BAZ2B: variants seen among roughly 807,000 people sequenced by gnomAD.
The protein encoded by BAZ2B is bromodomain adjacent to zinc finger domain 2B, also known as bromodomain adjacent to zinc finger domain protein 2B.
Under a neutral mutation model 246.0 loss-of-function variants are expected in BAZ2B, and 91 were observed. The observed-to-expected ratio is 0.37, with a 90% CI of 0.31 to 0.44. The LOEUF is 0.44. Among genes scored for constraint, BAZ2B ranks in the 20% least tolerant of loss-of-function variants. The probability of loss-of-function intolerance (pLI) is 1.00; values close to 1 mark genes in which losing one functional copy is unlikely to be tolerated. For synonymous variants in BAZ2B, 855 were observed against 860.0 expected (o/e 0.99, Z 0.10); for missense variants, 2,332 against 2,533.7 (o/e 0.92, Z 1.71).
chr2:159,424,548 AT>A (rs2069412539), intron 13 of BAZ2B, among the ~76,000 whole-genome samples: 2 of 152,170 alleles, frequency 1.3e-5, no homozygotes, highest in African/African-American at 4.8e-5. Context: ...GTTAAGTAAA[AT>A]TAGAACATAT....
chr2:159,581,189 A>T (rs1025803179), intron 1 of BAZ2B, among the ~76,000 whole-genome samples: 1 of 152,226 alleles, frequency 6.6e-6, no homozygotes, highest in Non-Finnish European at 1.5e-5. Context: ...GCTAATATCC[A>T]GAATCTACAA....
At chr2:159,580,520 C>T (rs1686491778) in intron 1 of BAZ2B, among the ~76,000 whole-genome samples, 1 of 152,174 alleles carries the variant, frequency 6.6e-6, no homozygotes, top group African/African-American at 2.4e-5. Flanking sequence ...AATACCATCC[C>T]CATCAAGCTA....
rs140698971 is a variant in BAZ2B at position 159,451,953 on chromosome 2, C to CT, written c.334+1659dup. Among the ~76,000 whole-genome samples the CT allele has an allele frequency of 2.1e-3, 320 of 152,164 alleles. 3 individuals are homozygous for CT. The highest frequency in any genetic ancestry group is 7.2e-3 in the African/African-American group (297 of 41,520). On this transcript the variant is annotated intron_variant, in intron 4 of 36. Coordinates refer to ENST00000392783, the MANE Select transcript of BAZ2B (RefSeq NM_013450.4). ...ATAAAAATATTTAAGATATCACTATCTATATTGTTTTTATCTATTTTGATA... is the reference window on the plus strand; with the variant it reads ...ATAAAAATATTTAAGATATCACTATCTTATATTGTTTTTATCTATTTTGATA...
intron 25 of BAZ2B, among the ~76,000 whole-genome samples, chr2:159,381,364 C>A (rs1275077733): frequency 6.6e-6 from 1 of 152,012 alleles, no homozygotes; most frequent in African/African-American, 2.4e-5. Flanking sequence ...CTCCCCCTGC[C>A]CCCAATTATC....
chr2:159,625,742 A>G, the BAZ2B span, among the ~76,000 whole-genome samples: 1 of 152,340 alleles, frequency 6.6e-6, no homozygotes, highest in South Asian at 2.1e-4. Flanking sequence ...TGGAAAGGTC[A>G]TTGACACTAT....
At chr2:159,572,216 T>C (rs1032462215) in intron 1 of BAZ2B, among the ~76,000 whole-genome samples, 1 of 152,202 alleles carries the variant, frequency 6.6e-6, no homozygotes, top group Non-Finnish European at 1.5e-5. Flanking sequence ...TGGATGCTCA[T>C]TTGTTATCTG....
At chr2:159,536,898 A>G (rs928130450) in intron 2 of BAZ2B, among the ~76,000 whole-genome samples, 83 of 152,242 alleles carry the variant, frequency 5.5e-4, no homozygotes, top group African/African-American at 1.9e-3. Flanking sequence ...GCAATCTTTA[A>G]TATTTACATG....
At chr2:159,483,603 CCTGTCT>C (rs1217650117) in intron 2 of BAZ2B, among the ~76,000 whole-genome samples, 3 of 152,018 alleles carry the variant, frequency 2.0e-5, no homozygotes, top group Non-Finnish European at 2.9e-5. Context: ...ATGGTGAAAC[CCTGTCT>C]CTACTAAAAA....
At chr2:159,676,577 G>T in the BAZ2B span, among the ~76,000 whole-genome samples, 3 of 151,270 alleles carry the variant, frequency 2.0e-5, no homozygotes, top group African/African-American at 4.9e-5. Flanking sequence ...CTACTTGGGA[G>T]GCTGAGGTGA....
At chr2:159,374,811 G>C (rs929128540) in intron 25 of BAZ2B, 58 bp from the exon 26 acceptor site, 1 of 1,486,598 alleles carries the variant, frequency 6.7e-7, no homozygotes, top group Non-Finnish European at 9.3e-7. Flanking sequence ...TATTCAATCA[G>C]TAAATATTTA....
chr2:159,650,536 C>A, the BAZ2B span, among the ~76,000 whole-genome samples: 1 of 152,172 alleles, frequency 6.6e-6, no homozygotes, highest in Admixed American at 6.5e-5. Flanking sequence ...CCTGTGAGAA[C>A]TGCGTACAGT....
the BAZ2B span, among the ~76,000 whole-genome samples, chr2:159,684,214 G>A: frequency 6.6e-6 from 1 of 152,174 alleles, no homozygotes; most frequent in Non-Finnish European, 1.5e-5. Flanking sequence ...CCATTCAAAA[G>A]CTGACGAATA....
intron 1 of BAZ2B, among the ~76,000 whole-genome samples, chr2:159,592,801 A>G (rs1032130632): frequency 1.6e-4 from 25 of 152,222 alleles, no homozygotes; most frequent in Non-Finnish European, 3.4e-4. Flanking sequence ...AGAGATCTTA[A>G]GCCAAAACCA....
At chr2:159,646,390 C>T in the BAZ2B span, among the ~76,000 whole-genome samples, 2 of 152,112 alleles carry the variant, frequency 1.3e-5, no homozygotes, top group Non-Finnish European at 2.9e-5. Context: ...TGTTCAAACA[C>T]ACATGCTCTA....
At chr2:159,702,949 CAGG>C in the BAZ2B span, among the ~76,000 whole-genome samples, 5 of 152,002 alleles carry the variant, frequency 3.3e-5, no homozygotes, top group African/African-American at 1.2e-4. Flanking sequence ...GAGGCTGAGG[CAGG>C]AGAATGCCAT....
In BAZ2B at chr2:159,347,565, G is replaced by A. The variant is rs775778384; in HGVS notation, c.5375C>T (p.Ala1792Val). 1 of 1,613,472 alleles carries A rather than the reference G, an allele frequency of 6.2e-7. No homozygotes were observed. The highest frequency in any genetic ancestry group is 1.1e-5 in the South Asian group (1 of 91,058). Reference protein sequence around the residue: ...IVENWSVEEQAMEMDLSVLQQ... With the variant: ...IVENWSVEEQVMEMDLSVLQQ... ...AAGGACACTCAAATCCATTTCCATT[G>A]CTTGTTCTTCTACTGACCAGTTCTC... The change falls in exon 31 of 37, where the codon GCA becomes GTA. Residue 1792 changes from alanine (A) to valine (V), a missense_variant. This residue lies in a region of BAZ2B where 676 missense variants were observed against 668.6 expected (regional missense o/e 1.01). Coordinates refer to ENST00000392783, the MANE Select transcript of BAZ2B (RefSeq NM_013450.4).
intron 6 of BAZ2B, chr2:159,444,339 T>C (rs112630097): frequency 2.6e-4 from 39 of 152,264 alleles, no homozygotes; most frequent in African/African-American, 9.1e-4. Context: ...AATGGTTGTC[T>C]TGGGGCCTAT....
At chr2:159,583,278 C>T (rs1282164021) in intron 1 of BAZ2B, among the ~76,000 whole-genome samples, 1 of 152,002 alleles carries the variant, frequency 6.6e-6, no homozygotes, top group African/African-American at 2.4e-5. Context: ...GCACACCCAG[C>T]TAATTTTTGT....
the BAZ2B span, among the ~76,000 whole-genome samples, chr2:159,671,029 T>C: frequency 6.6e-6 from 1 of 152,234 alleles, no homozygotes; most frequent in African/African-American, 2.4e-5. Context: ...AGCAAACTTT[T>C]CTCTGTCTGC....
Sources: gnomAD v4.1 joint callset for allele counts (sites outside exome capture counted in the v4.1 genomes callset) on GRCh38, gnomAD v4.1.1 for gene constraint, gnomAD v4.1.1 regional missense constraint, MANE v1.5 for transcripts, NCBI Gene and HGNC (gene_info 2026-07-23, HGNC 2026-07-21) for gene names.